MRGPRE: variants seen among roughly 807,000 people sequenced by gnomAD.
MRGPRE encodes the protein mas-related G protein-coupled receptor member E.
For missense variants in MRGPRE, 466 were observed against 433.4 expected (o/e 1.08, Z -0.67); for synonymous variants, 229 against 206.7 (o/e 1.11, Z -0.92).
In MRGPRE at chr11:3,228,891, C is replaced by T. The variant is rs564419101; in HGVS notation, c.-61-31G>A. The T allele has an allele frequency of 2.7e-5, 29 of 1,066,598 alleles. No homozygotes were observed. In the Admixed American group the frequency reaches 6.3e-4, roughly 23 times the overall value. 66.1% of individuals were successfully genotyped at this position (1,066,598 alleles called of 1,614,324 possible). A position where few individuals can be genotyped will look rare whatever the true frequency, so the allele number is the denominator to read the frequency against. ...AACCACAACAGTTGAGTCTGGGGCTCAGGAATCCATGCCCCCTGCTCCTCC... is the reference window on the plus strand; with the variant it reads ...AACCACAACAGTTGAGTCTGGGGCTTAGGAATCCATGCCCCCTGCTCCTCC... On this transcript the variant is annotated intron_variant, in intron 1 of 1. Coordinates refer to ENST00000389832, the MANE Select transcript of MRGPRE (RefSeq NM_001039165.4).
rs1247738601 is a variant in MRGPRE at position 3,230,453 on chromosome 11, G to A, written c.-61-1593C>T. Among the ~76,000 whole-genome samples, 2 of 152,216 alleles carry A rather than the reference G, an allele frequency of 1.3e-5. No individual in the cohort carries two copies. Among genetic ancestry groups the A allele is most frequent in the Admixed American group, 6.5e-5 (1 of 15,288 alleles). ...AGGAGCACCCGAGACCATGCAGGGGGACGCTGCGGTGCTGGGATGCTGGGG... is the reference window on the plus strand; with the variant it reads ...AGGAGCACCCGAGACCATGCAGGGGAACGCTGCGGTGCTGGGATGCTGGGG... On this transcript the variant is annotated intron_variant, in intron 1 of 1. Coordinates refer to ENST00000389832, the MANE Select transcript of MRGPRE (RefSeq NM_001039165.4). This position sits in a 1 kb window ranked among gnomAD's most constrained non-coding sequence, Gnocchi z 5.5.
rs1256615738 is a variant in MRGPRE, at chr11:3,230,107, T to G, written c.-61-1247A>C. Among the ~76,000 whole-genome samples, 2 of 152,126 alleles carry G rather than the reference T, an allele frequency of 1.3e-5. No homozygotes were observed. Among genetic ancestry groups the G allele is most frequent in the Non-Finnish European group, 2.9e-5 (2 of 68,016 alleles). ...AGGTGCTCAGAGCCGGAGACATGCCTGCAGATACCCGGCCCCATGCTGCCC... is the reference window on the plus strand; with the variant it reads ...AGGTGCTCAGAGCCGGAGACATGCCGGCAGATACCCGGCCCCATGCTGCCC... On this transcript the variant is annotated intron_variant, in intron 1 of 1. Coordinates refer to ENST00000389832, the MANE Select transcript of MRGPRE (RefSeq NM_001039165.4). The surrounding 1 kb of genome is among the most constrained non-coding windows in gnomAD (Gnocchi z 5.5).
In MRGPRE at chr11:3,231,448, G is replaced by A. The variant is rs748659139; in HGVS notation, c.-62+693C>T. 2.5e-4 allele frequency among the ~76,000 whole-genome samples: 38 copies of A among 151,886 alleles called. No individual in the cohort carries two copies. The highest frequency in any genetic ancestry group is 4.6e-4 in the Admixed American group (7 of 15,276). On this transcript the variant is annotated intron_variant, in intron 1 of 1. Coordinates refer to ENST00000389832, the MANE Select transcript of MRGPRE (RefSeq NM_001039165.4). This position sits in a 1 kb window ranked among gnomAD's most constrained non-coding sequence, Gnocchi z 4.7. ...GGACCATGTGCCCCACTGGGGGCTC[G>A]GGAGGGAGGCAGAGCTCTGTAGGAA...
chr11:3,229,175 T>C lies in MRGPRE; in HGVS notation c.-61-315A>G, dbSNP rs1847801394. ...GGAGAGGGTCTGAGACCCATGGGGC[T>C]CCCTGTTGCTAGTGGTGCCTTGATC... On this transcript the variant is annotated intron_variant, in intron 1 of 1. Coordinates refer to ENST00000389832, the MANE Select transcript of MRGPRE (RefSeq NM_001039165.4). The surrounding 1 kb of genome is among the most constrained non-coding windows in gnomAD (Gnocchi z 4.4). Among the ~76,000 whole-genome samples, 1 of 146,794 alleles carries C rather than the reference T, an allele frequency of 6.8e-6. No individual in the cohort carries two copies. The highest frequency in any genetic ancestry group is 1.5e-5 in the Non-Finnish European group (1 of 67,012).
rs1475811503 is a variant in MRGPRE, at chr11:3,228,791, C to A, written c.9G>T (p.Glu3Asp). The A allele has an allele frequency of 3.7e-6, 6 of 1,604,786 alleles. No homozygotes were observed. Among genetic ancestry groups the A allele is most frequent in the Non-Finnish European group, 4.3e-6 (5 of 1,174,304 alleles). The stretch of plus-strand genomic sequence containing the variant: ...CCACGTGCTGTCCAGCTTCTCTGGG[C>A]TCCATCATGGGGCGGGGGGCCAGGG... MM[E>D]PREAGQHVGA... Residue 3 changes from glutamate to aspartate, a missense_variant, in exon 2 of 2, where the codon GAG (glutamate) becomes GAT (aspartate). By Grantham distance (45) the Glu-to-Asp change is conservative. Transcript: ENST00000389832.
Position 3,230,033 on chromosome 11 carries a change from T to C in MRGPRE, c.-61-1173A>G, listed in dbSNP as rs939794790. On this transcript the variant is annotated intron_variant, in intron 1 of 1. Coordinates refer to ENST00000389832, the MANE Select transcript of MRGPRE (RefSeq NM_001039165.4). The surrounding 1 kb of genome is among the most constrained non-coding windows in gnomAD (Gnocchi z 5.5). ...ACCTAGGCTGGAATCGGAGTCTTCA[T>C]CACAGCTTTGCCAGAAATACAGCAA... Among the ~76,000 whole-genome samples, 4 of 152,124 alleles carry C rather than the reference T, an allele frequency of 2.6e-5. No individual in the cohort carries two copies. Among genetic ancestry groups the C allele is most frequent in the Admixed American group, 1.3e-4 (2 of 15,274 alleles).
chr11:3,228,667 C>G lies in MRGPRE; in HGVS notation c.133G>C (p.Val45Leu), dbSNP rs1170748442. 6.2e-7 allele frequency: 1 copy of G among 1,614,120 alleles called. No individual in the cohort carries two copies. The highest frequency in any genetic ancestry group is 8.5e-7 in the Non-Finnish European group (1 of 1,180,022). ...ACATTGGAGCTGAGCAGCCAGAGGA[C>G]TGCCCCATTCCCCAGCAGCCCACCG... ...GLGGLLGNGA[V>L]LWLLSSNVYR... The change falls in exon 2 of 2, where the codon GTC becomes CTC. Residue 45 changes from valine (V) to leucine (L), a missense_variant. Physicochemically the swap from Val to Leu is conservative, Grantham distance 32. Coordinates refer to ENST00000389832, the MANE Select transcript of MRGPRE (RefSeq NM_001039165.4).
chr11:3,231,360 G>T lies in MRGPRE; in HGVS notation c.-62+781C>A, dbSNP rs1319652397. Among the ~76,000 whole-genome samples the T allele has an allele frequency of 6.6e-6, 1 of 151,996 alleles. No individual in the cohort carries two copies. The highest frequency in any genetic ancestry group is 1.5e-5 in the Non-Finnish European group (1 of 67,986). Reference sequence around the variant, plus strand: ...AGGGGGACAAGGGGTTAGAGCCACGGAGCTCAGCCAGACCCTGCTGCTGCC... The same window carrying T: ...AGGGGGACAAGGGGTTAGAGCCACGTAGCTCAGCCAGACCCTGCTGCTGCC... On this transcript the variant is annotated intron_variant, in intron 1 of 1. Coordinates refer to ENST00000389832, the MANE Select transcript of MRGPRE (RefSeq NM_001039165.4). The surrounding 1 kb of genome is among the most constrained non-coding windows in gnomAD (Gnocchi z 4.7).
At position 3,231,241 on chromosome 11, in the gene MRGPRE, C is replaced by A. The variant is rs931843764; in HGVS notation, c.-62+900G>T. Among the ~76,000 whole-genome samples the A allele has an allele frequency of 6.6e-5, 10 of 151,938 alleles. No individual in the cohort carries two copies. Among genetic ancestry groups the A allele is most frequent in the African/African-American group, 2.4e-4 (10 of 41,422 alleles). ...GGTGGGCCCCAGGGAGAGAGCATGGCAGGGAAGCGATGGACATAGAGGGAG... is the reference window on the plus strand; with the variant it reads ...GGTGGGCCCCAGGGAGAGAGCATGGAAGGGAAGCGATGGACATAGAGGGAG... On this transcript the variant is annotated intron_variant, in intron 1 of 1. Coordinates refer to ENST00000389832, the MANE Select transcript of MRGPRE (RefSeq NM_001039165.4). This position sits in a 1 kb window ranked among gnomAD's most constrained non-coding sequence, Gnocchi z 4.7.
In MRGPRE at chr11:3,227,856, A is replaced by G; in HGVS notation, c.*5T>C. 2 of 1,437,588 alleles carry G rather than the reference A, an allele frequency of 1.4e-6. No homozygotes were observed. The highest frequency in any genetic ancestry group is 9.1e-7 in the Non-Finnish European group (1 of 1,095,474). 89.1% of individuals were successfully genotyped at this position (1,437,588 alleles called of 1,614,324 possible). On this transcript the variant is annotated 3_prime_UTR_variant, in exon 2 of 2. Coordinates refer to ENST00000389832, the MANE Select transcript of MRGPRE (RefSeq NM_001039165.4). ...GGCTGCAGCTGGGGTCGGGGGCCCC[A>G]GGGCTCAGGCTGCTATGTCCACCAG...
At position 3,228,288 on chromosome 11, in the gene MRGPRE, C is replaced by A; in HGVS notation, c.512G>T (p.Arg171Leu). 6.4e-7 allele frequency: 1 copy of A among 1,554,578 alleles called. No individual in the cohort carries two copies. The highest frequency in any genetic ancestry group is 2.4e-5 in the East Asian group (1 of 41,534). The change falls in exon 2 of 2, where the codon CGC becomes CTC. Residue 171 changes from arginine to leucine, a missense_variant. Arg to Leu is a moderately radical substitution (Grantham distance 102, BLOSUM62 -2). Coordinates refer to ENST00000389832, the MANE Select transcript of MRGPRE (RefSeq NM_001039165.4). The part of the protein sequence containing the change: ...ACTQFFGEPS[R>L]HLCRTLWLVA... The stretch of plus-strand genomic sequence containing the variant: ...CAGCCACAGCGTCCGGCACAAGTGG[C>A]GGCTGGGCTCCCCGAAGAACTGGGT...
In MRGPRE at chr11:3,231,098, C is replaced by A. The variant is rs1245509843; in HGVS notation, c.-62+1043G>T. 6.6e-6 allele frequency among the ~76,000 whole-genome samples: 1 copy of A among 152,144 alleles called. No individual in the cohort carries two copies. Among genetic ancestry groups the A allele is most frequent in the African/African-American group, 2.4e-5 (1 of 41,422 alleles). On this transcript the variant is annotated intron_variant, in intron 1 of 1. Coordinates refer to ENST00000389832, the MANE Select transcript of MRGPRE (RefSeq NM_001039165.4). This position sits in a 1 kb window ranked among gnomAD's most constrained non-coding sequence, Gnocchi z 4.7. ...TGGACGGAGCTATCTCCGGGATCTA[C>A]CAGCAAGCTCCAGCCCCAAAGCAAC... is the stretch of plus-strand genomic sequence containing the variant.
Position 3,228,647 on chromosome 11 carries a change from G to A in MRGPRE, c.153C>T (p.Ser51=). 1 of 1,614,132 alleles carries A rather than the reference G, an allele frequency of 6.2e-7. No homozygotes were observed. Among genetic ancestry groups the A allele is most frequent in the South Asian group, 1.1e-5 (1 of 91,082 alleles). ...GNGAVLWLLS[S]NVYRNPFAIY... ...TGGCGAAGGGGTTTCTGTAGACATTGGAGCTGAGCAGCCAGAGGACTGCCC... is the reference window on the plus strand; with the variant it reads ...TGGCGAAGGGGTTTCTGTAGACATTAGAGCTGAGCAGCCAGAGGACTGCCC... The change falls in exon 2 of 2, where the codon TCC becomes TCT. Residue 51 remains serine, a synonymous_variant. Transcript: ENST00000389832.
In MRGPRE at chr11:3,231,494, C is replaced by T. The variant is rs1049261033; in HGVS notation, c.-62+647G>A. Among the ~76,000 whole-genome samples, 2 of 150,810 alleles carry T rather than the reference C, an allele frequency of 1.3e-5. No homozygotes were observed. The highest frequency in any genetic ancestry group is 4.2e-4 in the South Asian group (2 of 4,788). On this transcript the variant is annotated intron_variant, in intron 1 of 1. Coordinates refer to ENST00000389832, the MANE Select transcript of MRGPRE (RefSeq NM_001039165.4). The surrounding 1 kb of genome is among the most constrained non-coding windows in gnomAD (Gnocchi z 4.7). ...AGGAAGGGTCGCCACAGTTGGGTTA[C>T]AGGACTGTGGGGAGTAGAGGAGTTT...
In MRGPRE at chr11:3,228,322, C is replaced by T. The variant is rs4391795; in HGVS notation, c.478G>A (p.Gly160Ser). 0.39 allele frequency: 614,053 copies of T among 1,557,678 alleles called. 125,882 individuals carry two copies. Among genetic ancestry groups the T allele is most frequent in the Non-Finnish European group, 0.42 (485,223 of 1,154,718 alleles). Residue 160 changes from glycine (G) to serine (S), a missense_variant, in exon 2 of 2, where the codon GGC becomes AGC. By Grantham distance (56) the Gly-to-Ser change is moderately conservative. Transcript: ENST00000389832. ...TCCCCGAAGAACTGGGTGCAGGCGCCGCTGAGCAGCAGGTGCAGCAGCAGG... is the reference window on the plus strand; with the variant it reads ...TCCCCGAAGAACTGGGTGCAGGCGCTGCTGAGCAGCAGGTGCAGCAGCAGG... ...LCLLLHLLLS[G>S]ACTQFFGEPS...
Position 3,227,921 on chromosome 11 carries a change from C to A in MRGPRE, c.879G>T (p.Glu293Asp). The change falls in exon 2 of 2, where the codon GAG (glutamate) becomes GAT (aspartate). Residue 293 changes from glutamate (E) to aspartate (D), a missense_variant. By Grantham distance (45) the Glu-to-Asp change is conservative (BLOSUM62 2). Coordinates refer to ENST00000389832, the MANE Select transcript of MRGPRE (RefSeq NM_001039165.4). Reference protein sequence around the residue: ...RLVLQRALGDEAELGAVRETS... With the variant: ...RLVLQRALGDDAELGAVRETS... ...TCTCCCTGACGGCCCCCAGCTCAGC[C>A]TCGTCTCCCAGCGCTCGCTGGAGGA... The A allele has an allele frequency of 6.7e-7, 1 of 1,503,444 alleles. No homozygotes were observed. Among genetic ancestry groups the A allele is most frequent in the Non-Finnish European group, 8.9e-7 (1 of 1,122,008 alleles). The allele number at this position is 1,503,444 out of a possible 1,614,324, so 93.1% of individuals were successfully genotyped here.
At position 3,228,446 on chromosome 11, in the gene MRGPRE, G is replaced by A. The variant is rs374547754; in HGVS notation, c.354C>T (p.Ser118=). ...IVGLSLLAAV[S]VEQCLAALFP... Reference sequence around the variant, plus strand: ...AGAGGGCGGCCAGGCACTGCTCCACGCTGACGGCCGCCAGGAGACTCAGGC... The same window carrying A: ...AGAGGGCGGCCAGGCACTGCTCCACACTGACGGCCGCCAGGAGACTCAGGC... Residue 118 remains serine, a synonymous_variant, in exon 2 of 2, where the codon AGC becomes AGT. Transcript: ENST00000389832. The A allele has an allele frequency of 1.9e-6, 3 of 1,611,658 alleles. No individual in the cohort carries two copies. The highest frequency in any genetic ancestry group is 1.3e-5 in the African/African-American group (1 of 75,046).
At position 3,227,149 on chromosome 11, in the gene MRGPRE, G is replaced by C. The variant is rs561366809; in HGVS notation, c.*712C>G. On this transcript the variant is annotated 3_prime_UTR_variant, in exon 2 of 2. Transcript: ENST00000389832. ...CTGGGTCCTGTGGGGAGACAGGGCTGCAGGCTGCTGGGTGGGGCTGTAAGA... is the reference window on the plus strand; with the variant it reads ...CTGGGTCCTGTGGGGAGACAGGGCTCCAGGCTGCTGGGTGGGGCTGTAAGA... Among the ~76,000 whole-genome samples the C allele has an allele frequency of 3.9e-5, 6 of 152,280 alleles. No homozygotes were observed. The highest frequency in any genetic ancestry group is 1.4e-4 in the African/African-American group (6 of 41,554).
rs76136953 is a variant in MRGPRE at position 3,228,187 on chromosome 11, G to A, written c.613C>T (p.Arg205Ter). Reference sequence around the variant, plus strand: ...CGGGGTGGGGGCCGCTGGGGGCCTCGCTCCACCCGCAGCAGCAGCATAAGG... The same window carrying A: ...CGGGGTGGGGGCCGCTGGGGGCCTCACTCCACCCGCAGCAGCAGCATAAGG... ...ASLMLLLRVE[R>*]GPQRPPPRGF... Residue 205 changes from arginine to a stop codon, truncating the protein, a stop_gained, in exon 2 of 2, where the codon CGA becomes TGA. Transcript: ENST00000389832. LOFTEE classifies it low-confidence loss of function (END_TRUNC). 1.4e-5 allele frequency: 22 copies of A among 1,562,208 alleles called. No individual in the cohort carries two copies. The highest frequency in any genetic ancestry group is 7.8e-5 in the Admixed American group (4 of 51,342).
Sources: allele counts gnomAD v4.1 joint callset (sites outside exome capture counted in the v4.1 genomes callset), GRCh38; gene constraint gnomAD v4.1.1; non-coding constraint Gnocchi (gnomAD v3.1); transcripts MANE v1.5; gene names NCBI Gene and HGNC (gene_info 2026-07-23, HGNC 2026-07-21).